The following CSMD1 variants were observed in gnomAD, a reference collection of about 807,000 sequenced individuals.
The protein encoded by CSMD1 is CUB and Sushi multiple domains 1.
CSMD1 carries 213 observed loss-of-function variants against 417.5 expected under a neutral mutation model. The observed-to-expected ratio is 0.51, with a 90% CI of 0.46 to 0.57. The LOEUF is 0.57. Ranked by LOEUF, CSMD1 falls within the 20% of genes least tolerant of loss-of-function variation. CSMD1 has a pLI of 0.00. For synonymous variants in CSMD1, 2,862 were observed against 1,736.8 expected (o/e 1.65, Z -16.11); for missense variants, 6,923 against 4,529.7 (o/e 1.53, Z -15.17).
chr8:3,642,949 A>G (rs1036842647), intron 7 of CSMD1, among the ~76,000 whole-genome samples: 1 of 152,084 alleles, frequency 6.6e-6, no homozygotes, highest in Non-Finnish European at 1.5e-5. Context: ...GTTAAAATAA[A>G]AAAATACAAA....
intron 1 of CSMD1, among the ~76,000 whole-genome samples, chr8:4,985,848 T>G (rs748425649): frequency 4.6e-5 from 7 of 152,180 alleles, no homozygotes; most frequent in Admixed American, 6.5e-5. Flanking sequence ...GGTCTTATGT[T>G]GTCCACAGGA....
chr8:3,101,862 C>A (rs1054494821), intron 46 of CSMD1, among the ~76,000 whole-genome samples: 1 of 137,164 alleles, frequency 7.3e-6, no homozygotes, highest in Non-Finnish European at 1.5e-5. Flanking sequence ...AGTGCAGTGA[C>A]GTGATCTCAG....
intron 52 of CSMD1, among the ~76,000 whole-genome samples, chr8:3,011,519 T>C (rs901252664): frequency 2.0e-5 from 3 of 152,220 alleles, no homozygotes; most frequent in African/African-American, 7.2e-5. Flanking sequence ...AATCATGTCA[T>C]CTAGCTATTT....
intron 49 of CSMD1, among the ~76,000 whole-genome samples, chr8:3,070,331 G>A (rs1157433859): frequency 3.3e-5 from 5 of 152,132 alleles, no homozygotes; most frequent in Admixed American, 1.3e-4. Context: ...TCTGCCACAC[G>A]GCCAGCCTGC....
chr8:4,790,035 T>G (rs1024272329), intron 1 of CSMD1, among the ~76,000 whole-genome samples: 4 of 152,214 alleles, frequency 2.6e-5, no homozygotes, highest in Non-Finnish European at 5.9e-5. Context: ...AATCCAGGAT[T>G]ATGTGTGAAT....
At chr8:4,751,331 G>C (rs938042603) in intron 1 of CSMD1, among the ~76,000 whole-genome samples, 1 of 151,994 alleles carries the variant, frequency 6.6e-6, no homozygotes. Flanking sequence ...GTTGCAGTGA[G>C]AGTGAGCCGA....
At chr8:3,573,301 G>C (rs947520357) in intron 10 of CSMD1, among the ~76,000 whole-genome samples, 8 of 152,218 alleles carry the variant, frequency 5.3e-5, no homozygotes, top group African/African-American at 1.2e-4. Context: ...AGTGATGATT[G>C]CAAGTACTGA....
rs1320720056 is a variant in CSMD1, at chr8:3,943,307, C to A, written c.818+54596G>T. ...CAAAGCACTTTATCACCCTTGACAA[C>A]TGCAGAACTAGAAGAGTGAAGTATT... On this transcript the variant is annotated intron_variant, in intron 5 of 69. Coordinates refer to ENST00000635120, the MANE Select transcript of CSMD1 (RefSeq NM_033225.6). 2.0e-5 allele frequency among the ~76,000 whole-genome samples: 3 copies of A among 150,382 alleles called. No homozygotes were observed. In the East Asian group the frequency reaches 5.9e-4, roughly 29 times the overall value.
At chr8:4,279,526 G>T (rs999282922) in intron 3 of CSMD1, among the ~76,000 whole-genome samples, 2 of 152,106 alleles carry the variant, frequency 1.3e-5, no homozygotes, top group African/African-American at 2.4e-5. Context: ...ATACAGTGTG[G>T]TTAGTGCAAC....
intron 1 of CSMD1, among the ~76,000 whole-genome samples, chr8:4,723,519 G>A (rs1809201858): frequency 6.6e-6 from 1 of 152,098 alleles, no homozygotes; most frequent in East Asian, 1.9e-4. Flanking sequence ...TGTAGGATCT[G>A]TGTATACCTG....
chr8:3,265,177 C>G (rs1440649830), intron 26 of CSMD1, among the ~76,000 whole-genome samples: 1 of 151,942 alleles, frequency 6.6e-6, no homozygotes, highest in Non-Finnish European at 1.5e-5. Context: ...CTCACTAGAA[C>G]CAATAACTAA....
chr8:3,568,628 C>T (rs548651815), intron 10 of CSMD1, among the ~76,000 whole-genome samples: 2 of 151,958 alleles, frequency 1.3e-5, no homozygotes, highest in Non-Finnish European at 2.9e-5. Context: ...TATTTGAGAG[C>T]TATATAACAG....
chr8:4,563,027 AAC>A (rs1798418852), intron 2 of CSMD1, among the ~76,000 whole-genome samples: 1 of 152,198 alleles, frequency 6.6e-6, no homozygotes, highest in Middle Eastern at 3.2e-3. Flanking sequence ...CGGTGTTTTA[AAC>A]AGTGTTTTAT....
chr8:4,523,552 G>C lies in CSMD1; in HGVS notation c.303-103487C>G, dbSNP rs115345861. 3.8e-3 allele frequency among the ~76,000 whole-genome samples: 577 copies of C among 152,162 alleles called. 2 individuals are homozygous for C. Among genetic ancestry groups the C allele is most frequent in the African/African-American group, 0.013 (559 of 41,508 alleles). On this transcript the variant is annotated intron_variant, in intron 2 of 69. Coordinates refer to ENST00000635120, the MANE Select transcript of CSMD1 (RefSeq NM_033225.6). The stretch of plus-strand genomic sequence containing the variant: ...ACACACACACACTCACACACATGCA[G>C]ACAGAATATGCAATTGTGGTTGCCT...
In CSMD1 at chr8:4,593,085, A is replaced by G. The variant is rs139864861; in HGVS notation, c.302+44257T>C. ...CATCTCATCCTGCGATATCTTGCAT[A>G]ATGCATCCGGGCCATTTCTTGGTCT... On this transcript the variant is annotated intron_variant, in intron 2 of 69. Coordinates refer to ENST00000635120, the MANE Select transcript of CSMD1 (RefSeq NM_033225.6). 2.5e-3 allele frequency among the ~76,000 whole-genome samples: 387 copies of G among 152,236 alleles called. 3 individuals are homozygous for G. Among genetic ancestry groups the G allele is most frequent in the African/African-American group, 8.6e-3 (358 of 41,548 alleles).
intron 5 of CSMD1, among the ~76,000 whole-genome samples, chr8:3,768,586 C>T (rs899880110): frequency 2.6e-5 from 4 of 152,242 alleles, no homozygotes; most frequent in Non-Finnish European, 5.9e-5. Context: ...ACTTTAAGTT[C>T]AACACAGAGT....
chr8:4,792,970 T>C (rs921124411), intron 1 of CSMD1, among the ~76,000 whole-genome samples: 3 of 123,910 alleles, frequency 2.4e-5, no homozygotes, highest in Non-Finnish European at 5.1e-5. Context: ...TATATGTGTA[T>C]ATATGTGTAT....
intron 1 of CSMD1, among the ~76,000 whole-genome samples, chr8:4,642,051 C>A (rs1377414994): frequency 1.3e-5 from 2 of 152,186 alleles, no homozygotes; most frequent in Admixed American, 6.5e-5. Context: ...CCAGTAAGAA[C>A]TGACCTACGA....
At chr8:4,672,003 G>C (rs1805361543) in intron 1 of CSMD1, among the ~76,000 whole-genome samples, 2 of 152,116 alleles carry the variant, frequency 1.3e-5, no homozygotes, top group African/African-American at 2.4e-5. Context: ...AGCATGGTTT[G>C]GGTGGCTTAC....
Sources: allele counts gnomAD v4.1 joint callset (sites outside exome capture counted in the v4.1 genomes callset), GRCh38; gene constraint gnomAD v4.1.1; transcripts MANE v1.5; gene names NCBI Gene and HGNC (gene_info 2026-07-23, HGNC 2026-07-21).